Variants in SLC39A11 observed in about 807,000 individuals in gnomAD.
SLC39A11 encodes solute carrier family 39 member 11, also known as zinc transporter ZIP11.
In SLC39A11, 33 loss-of-function variants were observed where a neutral mutation model predicts 36.1. That is an observed-to-expected ratio of 0.91 (90% confidence interval 0.69 to 1.22). The LOEUF (loss-of-function observed/expected upper bound fraction) is 1.22. Among genes scored for constraint, SLC39A11 ranks in the 50% most tolerant of loss-of-function variants. SLC39A11 has a pLI of 0.00. For synonymous variants in SLC39A11, 166 were observed against 170.3 expected, an observed-to-expected ratio of 0.97 and a Z score of 0.20; for missense variants, 432 against 430.3, an observed-to-expected ratio of 1.00 and a Z score of -0.03.
chr17:72,694,185 T>C (rs1392259251), intron 7 of SLC39A11, among the ~76,000 whole-genome samples: 1 of 151,910 alleles, frequency 6.6e-6, no homozygotes, highest in Non-Finnish European at 1.5e-5. Context: ...GCCCGAGCCC[T>C]CTCTCATGCT....
At chr17:72,748,131 G>A (rs538928532) in intron 6 of SLC39A11, among the ~76,000 whole-genome samples, 1 of 152,138 alleles carries the variant, frequency 6.6e-6, no homozygotes, top group Non-Finnish European at 1.5e-5. Context: ...AGACTAGCCT[G>A]GCCAACATGG....
intron 6 of SLC39A11, among the ~76,000 whole-genome samples, chr17:72,838,282 G>A (rs1009529388): frequency 1.1e-4 from 17 of 148,128 alleles, no homozygotes; most frequent in Non-Finnish European, 1.9e-4. Context: ...TGGCTGGAGT[G>A]CAGTGGCACA....
At chr17:73,002,449 A>T (rs2089875913) in intron 4 of SLC39A11, among the ~76,000 whole-genome samples, 1 of 152,196 alleles carries the variant, frequency 6.6e-6, no homozygotes. Context: ...GTCAGGGATC[A>T]AACTCTTACT....
At chr17:72,960,647 A>T (rs1002105214) in intron 4 of SLC39A11, among the ~76,000 whole-genome samples, 18 of 151,998 alleles carry the variant, frequency 1.2e-4, no homozygotes, top group Non-Finnish European at 2.4e-4. Context: ...GTAAAAAATT[A>T]AATTAAATTT....
intron 6 of SLC39A11, among the ~76,000 whole-genome samples, chr17:72,771,922 TCTCTC>T (rs2075961859): frequency 6.6e-6 from 1 of 152,156 alleles, no homozygotes; most frequent in Non-Finnish European, 1.5e-5. Context: ...CCCTCCCTCT[TCTCTC>T]CAAGAGGGGA....
intron 7 of SLC39A11, among the ~76,000 whole-genome samples, chr17:72,715,892 T>G (rs2073340728): frequency 2.0e-5 from 3 of 152,070 alleles, no homozygotes; most frequent in African/African-American, 7.3e-5. Flanking sequence ...AGACGTGGTT[T>G]CACCATGTTG....
intron 7 of SLC39A11, among the ~76,000 whole-genome samples, chr17:72,733,897 GCA>G (rs2074325710): frequency 6.6e-6 from 1 of 152,136 alleles, no homozygotes; most frequent in Non-Finnish European, 1.5e-5. Context: ...CTACACACAA[GCA>G]CAGATGCTGG....
At chr17:72,991,931 G>A (rs543313914) in intron 4 of SLC39A11, among the ~76,000 whole-genome samples, 1 of 152,286 alleles carries the variant, frequency 6.6e-6, no homozygotes, top group East Asian at 1.9e-4. Context: ...CACCAAGATG[G>A]TTGTATCAAT....
Position 73,049,575 on chromosome 17 carries a change from C to A in SLC39A11, c.148-17861G>T, listed in dbSNP as rs896903437. On this transcript the variant is annotated intron_variant, in intron 3 of 9. Coordinates refer to ENST00000255559, the MANE Select transcript of SLC39A11 (RefSeq NM_139177.4). The stretch of plus-strand genomic sequence containing the variant: ...AGCTTATTCAGTAAGAACTAAGGAA[C>A]CAAGGAAAACTTCGGGGTAGGGGCA... Among the ~76,000 whole-genome samples the A allele has an allele frequency of 3.2e-4, 48 of 152,216 alleles. 2 individuals carry two copies. Among genetic ancestry groups the A allele is most frequent in the Admixed American group, 2.5e-3 (38 of 15,294 alleles).
intron 4 of SLC39A11, among the ~76,000 whole-genome samples, chr17:72,961,417 T>G (rs2086599209): frequency 6.6e-6 from 1 of 152,206 alleles, no homozygotes; most frequent in African/African-American, 2.4e-5. Context: ...TAAATCATTT[T>G]ACTATAAAGA....
At chr17:72,927,866 C>T (rs1187194449) in intron 5 of SLC39A11, among the ~76,000 whole-genome samples, 2 of 151,904 alleles carry the variant, frequency 1.3e-5, no homozygotes, top group East Asian at 3.9e-4. Context: ...AGCCCACATT[C>T]AACAGTCAAG....
At chr17:72,934,455 C>G (rs2084619791) in intron 5 of SLC39A11, among the ~76,000 whole-genome samples, 1 of 152,152 alleles carries the variant, frequency 6.6e-6, no homozygotes, top group Non-Finnish European at 1.5e-5. Context: ...CACCTGAGGT[C>G]AGGAGTTCAA....
At chr17:72,907,281 G>C (rs1485253904) in intron 5 of SLC39A11, among the ~76,000 whole-genome samples, 1 of 152,186 alleles carries the variant, frequency 6.6e-6, no homozygotes, top group Non-Finnish European at 1.5e-5. Flanking sequence ...TTTGAGCTCA[G>C]GAGTTCGAGA....
At chr17:73,070,678 T>A (rs372583254) in intron 3 of SLC39A11, among the ~76,000 whole-genome samples, 1 of 152,150 alleles carries the variant, frequency 6.6e-6, no homozygotes, top group South Asian at 2.1e-4. Context: ...CCACATGTTG[T>A]GGGAGGGACC....
At chr17:73,086,165 G>A (rs1450595250) in intron 2 of SLC39A11, among the ~76,000 whole-genome samples, 2 of 152,186 alleles carry the variant, frequency 1.3e-5, no homozygotes, top group Admixed American at 1.3e-4. Context: ...ATTGGAAGGG[G>A]CTGTGAGGTG....
At chr17:72,843,741 C>G (rs2078922703) in intron 6 of SLC39A11, among the ~76,000 whole-genome samples, 1 of 152,118 alleles carries the variant, frequency 6.6e-6, no homozygotes, top group South Asian at 2.1e-4. Flanking sequence ...GACATGTGTA[C>G]AACATCCTCT....
At chr17:72,925,253 T>A (rs2083973296) in intron 5 of SLC39A11, among the ~76,000 whole-genome samples, 1 of 152,184 alleles carries the variant, frequency 6.6e-6, no homozygotes, top group Admixed American at 6.5e-5. Context: ...GAACAGCAAC[T>A]AAATCCAGAC....
At position 72,851,167 on chromosome 17, in the gene SLC39A11, C is replaced by T. The variant is rs187726725; in HGVS notation, c.431-1363G>A. On this transcript the variant is annotated intron_variant, in intron 5 of 9. Coordinates refer to ENST00000255559, the MANE Select transcript of SLC39A11 (RefSeq NM_139177.4). ...TTCATGGGCCATCCGTAGCACCCAGCCCTTGGGTTTTCTGAGCAAACCTTC... is the reference window on the plus strand; with the variant it reads ...TTCATGGGCCATCCGTAGCACCCAGTCCTTGGGTTTTCTGAGCAAACCTTC... Among the ~76,000 whole-genome samples, 10 of 152,266 alleles carry T rather than the reference C, an allele frequency of 6.6e-5. No homozygotes were observed. The East Asian group carries it at 1.9e-3, about 29-fold the overall frequency.
intron 3 of SLC39A11, among the ~76,000 whole-genome samples, chr17:73,067,661 T>C (rs1373666685): frequency 6.6e-6 from 1 of 152,164 alleles, no homozygotes; most frequent in Non-Finnish European, 1.5e-5. Flanking sequence ...ATAATGACCA[T>C]CTTTTATGAT....
Sources: gnomAD v4.1 joint callset for allele counts (sites outside exome capture counted in the v4.1 genomes callset) on GRCh38, gnomAD v4.1.1 for gene constraint, MANE v1.5 for transcripts, NCBI Gene and HGNC (gene_info 2026-07-23, HGNC 2026-07-21) for gene names.